Variants in SLC15A1 observed in about 807,000 individuals in gnomAD.
SLC15A1 encodes the protein Caco-2 oligopeptide transporter.
Under a neutral mutation model 92.9 loss-of-function variants are expected in SLC15A1, and 83 were observed. The ratio of observed to expected loss-of-function variants is 0.89; its 90% confidence interval spans 0.75 to 1.07. The LOEUF (loss-of-function observed/expected upper bound fraction) is 1.07. SLC15A1 is among the 50% of genes least tolerant of loss of function. The probability of loss-of-function intolerance (pLI) is 0.00; values close to 1 mark genes in which losing one functional copy is unlikely to be tolerated. For missense variants in SLC15A1, 857 were observed against 880.1 expected, an observed-to-expected ratio of 0.97 and a Z score of 0.33; for synonymous variants, 322 against 318.2, an observed-to-expected ratio of 1.01 and a Z score of -0.13.
intron 15 of SLC15A1, among the ~76,000 whole-genome samples, chr13:98,707,014 G>A (rs780487450): frequency 3.3e-5 from 5 of 152,166 alleles, no homozygotes; most frequent in Admixed American, 2.6e-4. Flanking sequence ...AGCCCTAGAC[G>A]CAGCAGTGTA....
At chr13:98,703,126 G>A (rs1397445048) in intron 17 of SLC15A1, among the ~76,000 whole-genome samples, 1 of 139,088 alleles carries the variant, frequency 7.2e-6, no homozygotes, top group East Asian at 2.4e-4. Flanking sequence ...GAAAGTGAAA[G>A]GAAGAAAGAG....
chr13:98,705,893 T>TA (rs58621986), intron 16 of SLC15A1, among the ~76,000 whole-genome samples: 3,694 of 142,944 alleles, frequency 0.026, 160 homozygotes, highest in African/African-American at 0.086. Flanking sequence ...AGACTCCATC[T>TA]AAAAAAAAAA....
At chr13:98,711,495 A>G (rs1289051504) in intron 11 of SLC15A1, among the ~76,000 whole-genome samples, 1 of 152,190 alleles carries the variant, frequency 6.6e-6, no homozygotes, top group Non-Finnish European at 1.5e-5. Flanking sequence ...CATAAAAGGC[A>G]ATGTAACTTG....
At chr13:98,726,533 C>T (rs1242231399) in intron 2 of SLC15A1, 84 bp from the exon 3 acceptor site, 3 of 1,222,164 alleles carry the variant, frequency 2.5e-6, no homozygotes, top group Non-Finnish European at 3.6e-6. Context: ...GCATGAAAGG[C>T]AGCCAACGCA....
At chr13:98,707,891 T>TTTTAAA (rs1315915894) in intron 15 of SLC15A1, among the ~76,000 whole-genome samples, 3 of 106,842 alleles carry the variant, frequency 2.8e-5, no homozygotes, top group African/African-American at 1.2e-4. Context: ...AGACCCTGTT[T>TTTTAAA]AAAAAAAAAA....
chr13:98,697,520 T>C (rs1266841386), intron 18 of SLC15A1, among the ~76,000 whole-genome samples: 1 of 151,860 alleles, frequency 6.6e-6, no homozygotes, highest in Non-Finnish European at 1.5e-5. Flanking sequence ...CCATGTTTAG[T>C]TACACTGCAG....
chr13:98,696,077 T>C (rs997285629), intron 18 of SLC15A1, among the ~76,000 whole-genome samples: 1 of 151,446 alleles, frequency 6.6e-6, no homozygotes, highest in Non-Finnish European at 1.5e-5. Flanking sequence ...ATCTCGTGGG[T>C]CTGTCTTCTT....
intron 18 of SLC15A1, among the ~76,000 whole-genome samples, chr13:98,691,284 ACCTCGGCCT>A (rs2087973870): frequency 2.6e-5 from 4 of 151,902 alleles, no homozygotes; most frequent in Admixed American, 2.6e-4. Context: ...TGACCTGCCC[ACCTCGGCCT>A]CCCAAAAAGT....
intron 15 of SLC15A1, among the ~76,000 whole-genome samples, chr13:98,707,538 G>A (rs1210066161): frequency 6.6e-6 from 1 of 152,112 alleles, no homozygotes; most frequent in Non-Finnish European, 1.5e-5. Flanking sequence ...TTTCAGTTTT[G>A]TAAGATGAAG....
intron 18 of SLC15A1, among the ~76,000 whole-genome samples, chr13:98,695,682 C>T (rs1020811886): frequency 6.6e-6 from 1 of 152,118 alleles, no homozygotes; most frequent in African/African-American, 2.4e-5. Context: ...CTTGAGCCAC[C>T]GAGCCCTGCC....
chr13:98,746,862 G>A lies in SLC15A1; in HGVS notation c.4+5733C>T, dbSNP rs2088496987. Among the ~76,000 whole-genome samples the A allele has an allele frequency of 3.9e-5, 6 of 152,278 alleles. No individual in the cohort carries two copies. The South Asian group carries it at 1.2e-3, about 32-fold the overall frequency. On this transcript the variant is annotated intron_variant, in intron 1 of 22. Transcript: ENST00000376503. ...TGAGCAGTTTCCAGTCTAGGAACCA[G>A]GAGAGGAACTAGACCTTCCTCCTTC...
At chr13:98,749,924 C>T (rs778195731) in intron 1 of SLC15A1, among the ~76,000 whole-genome samples, 51 of 152,296 alleles carry the variant, frequency 3.3e-4, no homozygotes, top group South Asian at 8.3e-4. Context: ...TGATTGTGTA[C>T]GGCTGCTCTA....
At chr13:98,707,670 A>C (rs1324556320) in intron 15 of SLC15A1, among the ~76,000 whole-genome samples, 2 of 152,152 alleles carry the variant, frequency 1.3e-5, no homozygotes, top group Admixed American at 6.5e-5. Flanking sequence ...GGACTTTGGG[A>C]GGCTGAGGTG....
chr13:98,689,919 T>C (rs1041277942), intron 18 of SLC15A1, among the ~76,000 whole-genome samples: 2 of 152,218 alleles, frequency 1.3e-5, no homozygotes, highest in Admixed American at 6.5e-5. Context: ...ACGCTTCATA[T>C]GGAAGCAGGT....
rs1414445310 is a variant in SLC15A1, at chr13:98,686,123, A to G, written c.1935+67T>C. 1.0e-5 allele frequency: 12 copies of G among 1,181,592 alleles called. No individual in the cohort carries two copies. The African/African-American group carries it at 1.8e-4, about 18-fold the overall frequency. 73.2% of individuals were successfully genotyped at this position (1,181,592 alleles called of 1,614,324 possible). A position where few individuals can be genotyped will look rare whatever the true frequency, so the allele number is the denominator to read the frequency against. On this transcript the variant is annotated intron_variant, in intron 22 of 22. Transcript: ENST00000376503. ...ACACAGAGCACACAGATGGCTAGGG[A>G]AGGCCACCATGATGACCATGAACAG... is the stretch of plus-strand genomic sequence containing the variant.
intron 6 of SLC15A1, 31 bp from the exon 7 acceptor site, chr13:98,721,616 T>C: frequency 1.3e-6 from 2 of 1,509,988 alleles, no homozygotes; most frequent in Non-Finnish European, 1.8e-6. Flanking sequence ...TAAGATGACT[T>C]TGGCTATCAA....
intron 11 of SLC15A1, 72 bp from the exon 12 acceptor site, chr13:98,709,983 T>C: frequency 7.0e-7 from 1 of 1,431,694 alleles, no homozygotes; most frequent in Non-Finnish European, 9.8e-7. Flanking sequence ...CAATGGTGAG[T>C]CTTTTCCAAA....
intron 1 of SLC15A1, among the ~76,000 whole-genome samples, chr13:98,727,720 C>T (rs958116643): frequency 6.6e-6 from 1 of 152,198 alleles, no homozygotes; most frequent in Non-Finnish European, 1.5e-5. Context: ...TACACCTCCT[C>T]ACTCTGCTCC....
chr13:98,726,937 G>A, intron 1 of SLC15A1, 78 bp from the exon 2 acceptor site: 2 of 1,448,650 alleles, frequency 1.4e-6, no homozygotes, highest in South Asian at 1.2e-5. Flanking sequence ...CAGAGCCTCT[G>A]ACTTTTTAGG....
Sources: allele counts gnomAD v4.1 joint callset (sites outside exome capture counted in the v4.1 genomes callset), GRCh38; gene constraint gnomAD v4.1.1; transcripts MANE v1.5; gene names NCBI Gene and HGNC (gene_info 2026-07-23, HGNC 2026-07-21).